NSD1: variants seen among roughly 807,000 people sequenced by gnomAD.
NSD1 encodes histone-lysine N-methyltransferase, H3 lysine-36 specific.
NSD1 carries 26 observed loss-of-function variants against 242.7 expected under a neutral mutation model. That is an observed-to-expected ratio of 0.11 (90% CI 0.08 to 0.15). NSD1 has a LOEUF of 0.15. NSD1 is among the 10% of genes least tolerant of loss of function. The pLI, the probability that NSD1 is intolerant of heterozygous loss-of-function variation, is 1.00. For missense variants in NSD1, 2,495 were observed against 3,272.8 expected (o/e 0.76, Z 5.80); for synonymous variants, 1,106 against 1,178.1 (o/e 0.94, Z 1.25).
intron 20 of NSD1, among the ~76,000 whole-genome samples, chr5:177,287,528 C>T (rs1440947432): frequency 6.6e-6 from 1 of 152,170 alleles, no homozygotes; most frequent in Non-Finnish European, 1.5e-5. Flanking sequence ...CCCAGCTACT[C>T]AGGAGGCTGA....
intron 2 of NSD1, among the ~76,000 whole-genome samples, chr5:177,138,749 C>T (rs1162138077): frequency 2.0e-5 from 3 of 151,876 alleles, no homozygotes; most frequent in East Asian, 3.9e-4. Context: ...AAGCAGTTCT[C>T]CTGCCTCAGC....
intron 2 of NSD1, among the ~76,000 whole-genome samples, chr5:177,158,997 T>TA (rs1758456710): frequency 1.6e-5 from 1 of 63,334 alleles, no homozygotes. Flanking sequence ...TATGAATGAT[T>TA]TTATATATAT....
chr5:177,253,996 C>T (rs150211017), intron 12 of NSD1, among the ~76,000 whole-genome samples: 109 of 152,156 alleles, frequency 7.2e-4, no homozygotes, highest in South Asian at 5.0e-3. Context: ...GCACTGTCAC[C>T]CGGGCTCGAG....
intron 10 of NSD1, 65 bp downstream of exon 10, chr5:177,246,861 A>G: frequency 8.8e-7 from 1 of 1,133,540 alleles, no homozygotes; most frequent in Non-Finnish European, 1.3e-6. Context: ...CAGAGGCCAC[A>G]TCCCTCTTTC....
In NSD1 at chr5:177,292,173, C is replaced by G; in HGVS notation, c.6463+15C>G. 2 of 1,612,638 alleles carry G rather than the reference C, an allele frequency of 1.2e-6. No homozygotes were observed. The highest frequency in any genetic ancestry group is 8.5e-7 in the Non-Finnish European group (1 of 1,179,180). ...GCGACCAGCAGGTTGGTGCCAAAAT[C>G]CATTTGTACCGCTACTCGTTCTCTC... On this transcript the variant is annotated intron_variant, in intron 22 of 22. Transcript: ENST00000439151.
chr5:177,239,902 C>T, intron 8 of NSD1, 37 bp downstream of exon 8: 1 of 1,311,478 alleles, frequency 7.6e-7, no homozygotes, highest in Non-Finnish European at 1.1e-6. Context: ...GAAATAAACT[C>T]AGGAAATGAG....
At chr5:177,137,813 G>A (rs1408264867) in intron 2 of NSD1, among the ~76,000 whole-genome samples, 3 of 152,074 alleles carry the variant, frequency 2.0e-5, no homozygotes, top group Non-Finnish European at 4.4e-5. Context: ...GCTGAGTGTG[G>A]TGGCTCACAC....
At chr5:177,251,934 T>G (rs1756001175) in intron 12 of NSD1, 81 bp downstream of exon 12, 1 of 1,567,026 alleles carries the variant, frequency 6.4e-7, no homozygotes, top group Non-Finnish European at 8.8e-7. Context: ...TTGGAGACAC[T>G]ATTTTGTGGC....
intron 3 of NSD1, among the ~76,000 whole-genome samples, chr5:177,194,933 C>T (rs927504797): frequency 4.6e-5 from 7 of 151,660 alleles, no homozygotes; most frequent in African/African-American, 1.7e-4. Context: ...CTAAGGCGGG[C>T]AGATCACCTG....
intron 5 of NSD1, among the ~76,000 whole-genome samples, chr5:177,224,080 G>T (rs1294417954): frequency 1.3e-5 from 2 of 152,184 alleles, no homozygotes; most frequent in Admixed American, 6.5e-5. Context: ...ATTTTACTGT[G>T]TTTCTGAAAT....
chr5:177,288,668 TATAAG>T, intron 20 of NSD1, 146 bp from the exon 21 acceptor site: 1 of 634,910 alleles, frequency 1.6e-6, no homozygotes. Flanking sequence ...TTATTAATGT[TATAAG>T]ATTAGAATTA....
chr5:177,239,685 A>G (rs1765705600), intron 7 of NSD1, 71 bp from the exon 8 acceptor site: 1 of 864,806 alleles, frequency 1.2e-6, no homozygotes, highest in Admixed American at 1.9e-5. Flanking sequence ...TTTGTGTGGT[A>G]TACAGATTTT....
In NSD1 at chr5:177,248,194, C is replaced by G; in HGVS notation, c.4511C>G (p.Pro1504Arg). 1 of 1,614,138 alleles carries G rather than the reference C, an allele frequency of 6.2e-7. No homozygotes were observed. Among genetic ancestry groups the G allele is most frequent in the South Asian group, 1.1e-5 (1 of 91,090 alleles). The part of the protein sequence containing the change: ...EIPGSEGELM[P>R]HRTATSPKET... ...TTTCTTTGCAAGGGAGAACTAATGC[C>G]TCACAGGACGGCCACAAGCCCCAAG... Residue 1504 changes from proline to arginine, a missense_variant, in exon 11 of 23, where the codon CCT (proline) becomes CGT (arginine). By Grantham distance (103) the Pro-to-Arg change is moderately radical. Transcript: ENST00000439151.
chr5:177,218,408 T>A (rs918686088), intron 5 of NSD1, among the ~76,000 whole-genome samples: 3 of 152,174 alleles, frequency 2.0e-5, no homozygotes, highest in Non-Finnish European at 2.9e-5. Flanking sequence ...GAAAGGTAGT[T>A]GAATTTTGTC....
Position 177,135,482 on chromosome 5 carries a change from A to G in NSD1, c.379A>G (p.Lys127Glu). 2.5e-6 allele frequency: 4 copies of G among 1,614,222 alleles called. No individual in the cohort carries two copies. The highest frequency in any genetic ancestry group is 1.1e-5 in the South Asian group (1 of 91,088). Residue 127 changes from lysine to glutamate, a missense_variant, in exon 2 of 23, where the codon AAA becomes GAA. Coordinates refer to ENST00000439151, the MANE Select transcript of NSD1 (RefSeq NM_022455.5). ...TGGTGGTCCTACAGCACTTGCTATG[A>G]AACAGGAACCCTCTTGTAATAACTC... Reference protein sequence around the residue: ...SPGGPTALAMKQEPSCNNSPE... With the variant: ...SPGGPTALAMEQEPSCNNSPE...
chr5:177,158,293 C>CTTTTCTTTTCTTTTCTTTCT (rs59738936), intron 2 of NSD1, among the ~76,000 whole-genome samples: 1 of 77,674 alleles, frequency 1.3e-5, no homozygotes, highest in Non-Finnish European at 2.7e-5. Flanking sequence ...TTCTTTCTTT[C>CTTTTCTTTTCTTTTCTTTCT]TTTCTTTCTT....
chr5:177,205,678 C>A (rs765983919), intron 4 of NSD1, among the ~76,000 whole-genome samples: 1 of 151,930 alleles, frequency 6.6e-6, no homozygotes, highest in Non-Finnish European at 1.5e-5. Flanking sequence ...AACAGTAATT[C>A]CCCATTTGTC....
In NSD1 at chr5:177,210,077, G is replaced by A. The variant is rs781141493; in HGVS notation, c.1678G>A (p.Gly560Arg). Residue 560 changes from glycine (G) to arginine (R), a missense_variant, in exon 5 of 23, where the codon GGG (glycine) becomes AGG (arginine). Physicochemically the swap from Gly to Arg is moderately radical, Grantham distance 125. This residue lies in a region of NSD1 where 515 missense variants were observed against 467.0 expected (regional missense o/e 1.10). Coordinates refer to ENST00000439151, the MANE Select transcript of NSD1 (RefSeq NM_022455.5). ...ELSRIANSLT[G>R]SNTAPGSFLF... is the part of the protein sequence containing the mutation. ...TTCCAGGATAGCAAATAGCCTCACA[G>A]GGTCCAACACTGCCCCAGGAAGTTT... is the stretch of plus-strand genomic sequence containing the variant. 4 of 1,613,926 alleles carry A rather than the reference G, an allele frequency of 2.5e-6. No individual in the cohort carries two copies. Among genetic ancestry groups the A allele is most frequent in the Non-Finnish European group, 3.4e-6 (4 of 1,179,916 alleles).
At position 177,186,036 on chromosome 5, in the gene NSD1, A is replaced by T. The variant is rs1446383933; in HGVS notation, c.928-5848A>T. Among the ~76,000 whole-genome samples, 6 of 103,420 alleles carry T rather than the reference A, an allele frequency of 5.8e-5. No individual in the cohort carries two copies. The East Asian group carries it at 7.9e-4, about 14-fold the overall frequency. 67.8% of individuals were successfully genotyped at this position (103,420 alleles called of 152,430 possible). ...ATATATTATATATTATATATTTTTT[A>T]TATATATAATATATAATATAACATA... On this transcript the variant is annotated intron_variant, in intron 2 of 22. Transcript: ENST00000439151.
Sources: gnomAD v4.1 joint callset for allele counts (sites outside exome capture counted in the v4.1 genomes callset) on GRCh38, gnomAD v4.1.1 for gene constraint, gnomAD v4.1.1 regional missense constraint, MANE v1.5 for transcripts, NCBI Gene and HGNC (gene_info 2026-07-23, HGNC 2026-07-21) for gene names.